Variants in HMSD observed in about 807,000 individuals in gnomAD.
HMSD encodes histocompatibility minor serpin domain containing, also known as serpin-like protein HMSD.
In HMSD, 13 loss-of-function variants were observed where a neutral mutation model predicts 10.0. The ratio of observed to expected loss-of-function variants is 1.31; its 90% CI spans 0.85 to 2.08. The LOEUF is 2.08. Ranked by LOEUF, HMSD falls within the 30% of genes most tolerant of loss-of-function variation. The probability of loss-of-function intolerance (pLI) is 0.00; values close to 1 mark genes in which losing one functional copy is unlikely to be tolerated. For missense variants in HMSD, 169 were observed against 166.3 expected (o/e 1.02, Z -0.09); for synonymous variants, 51 against 54.2 (o/e 0.94, Z 0.26).
chr18:63,959,236 TA>T (rs1412664000), intron 3 of HMSD, among the ~76,000 whole-genome samples: 1 of 152,178 alleles, frequency 6.6e-6, no homozygotes, highest in African/African-American at 2.4e-5. Flanking sequence ...TTTAGTTTTA[TA>T]AAAAACTTCC....
At chr18:63,964,922 C>T (rs942084092), downstream of HMSD, among the ~76,000 whole-genome samples, 3 of 152,150 alleles carry the variant, frequency 2.0e-5, no homozygotes, top group South Asian at 6.2e-4. Context: ...TTTTTTTCCA[C>T]TTACCCCAAG....
intron 3 of HMSD, among the ~76,000 whole-genome samples, chr18:63,955,177 T>A (rs557251582): frequency 2.0e-5 from 3 of 152,278 alleles, no homozygotes; most frequent in Non-Finnish European, 2.9e-5. Context: ...ATAAAAACTT[T>A]GCTTCATGAG....
At chr18:63,960,089 AATGAAGAAGTAAGCCAGTGATATT>A in intron 3 of HMSD, 45 bp from the exon 4 acceptor site, 2 of 1,388,620 alleles carry the variant, frequency 1.4e-6, no homozygotes, top group Non-Finnish European at 2.0e-6. Context: ...GATGTGGCAC[AATGAAGAAGTAAGCCAGTGATATT>A]AGTTGTTTCT....
chr18:63,952,093 A>C lies in HMSD; in HGVS notation c.-102-1261A>C, dbSNP rs552058669. ...TCATAGGTGGGAATTGAACAATGAGATCACATGGACACAGGAAGGGGAATA... is the reference window on the plus strand; with the variant it reads ...TCATAGGTGGGAATTGAACAATGAGCTCACATGGACACAGGAAGGGGAATA... On this transcript the variant is annotated intron_variant, in intron 1 of 3. Coordinates refer to ENST00000408945, the MANE Select transcript of HMSD (RefSeq NM_001123366.2). Among the ~76,000 whole-genome samples, 926 of 137,454 alleles carry C rather than the reference A, an allele frequency of 6.7e-3. 10 individuals are homozygous for C. Among genetic ancestry groups the C allele is most frequent in the African/African-American group, 0.024 (887 of 36,614 alleles). The allele number at this position is 137,454 out of a possible 152,430, so 90.2% of individuals were successfully genotyped here.
chr18:63,963,147 CTCTCTCTTCTTTCT>C (rs1568261459), downstream of HMSD, among the ~76,000 whole-genome samples: 1,811 of 132,186 alleles, frequency 0.014, 31 homozygotes, highest in Non-Finnish European at 0.021. Flanking sequence ...TCTTTCTTCT[CTCTCTCTTCTTTCT>C]TTCTCTCTCT....
At chr18:63,953,553 A>G in intron 2 of HMSD, 26 bp downstream of exon 2, 3 of 1,565,486 alleles carry the variant, frequency 1.9e-6, no homozygotes, top group Non-Finnish European at 2.6e-6. Flanking sequence ...TCAAGACAAC[A>G]ATAAGTGCTA....
downstream of HMSD, among the ~76,000 whole-genome samples, chr18:63,963,085 CTTTCTTTCTT>C (rs1320141604): frequency 2.0e-5 from 2 of 98,934 alleles, no homozygotes; most frequent in African/African-American, 9.9e-5. Flanking sequence ...TTCTTTCTTT[CTTTCTTTCTT>C]TCTTTCTTTC....
At chr18:63,956,832 C>T (rs530853862) in intron 3 of HMSD, among the ~76,000 whole-genome samples, 1 of 152,204 alleles carries the variant, frequency 6.6e-6, no homozygotes, top group African/African-American at 2.4e-5. Context: ...AAATGCCCAT[C>T]AATAGTAGAC....
intron 1 of HMSD, among the ~76,000 whole-genome samples, chr18:63,950,415 C>CAAAAAAAA (rs562421091): frequency 0.061 from 2,379 of 38,992 alleles, 310 homozygotes; most frequent in East Asian, 0.13. Flanking sequence ...GACTCTCTCT[C>CAAAAAAAA]AAAAAAAAAA....
At position 63,960,142 on chromosome 18, in the gene HMSD, T is replaced by C; in HGVS notation, c.223-16T>C. The C allele has an allele frequency of 6.2e-7, 1 of 1,606,480 alleles. No individual in the cohort carries two copies. The highest frequency in any genetic ancestry group is 8.5e-7 in the Non-Finnish European group (1 of 1,177,694). On this transcript the variant is annotated splice_polypyrimidine_tract_variant and intron_variant, in intron 3 of 3. Coordinates refer to ENST00000408945, the MANE Select transcript of HMSD (RefSeq NM_001123366.2). The stretch of plus-strand genomic sequence containing the variant: ...TGTTTCTGTAGCTGTGAAATTATGT[T>C]TTTGGTTTTTCCTAGGGTTTTACAG...
intron 3 of HMSD, among the ~76,000 whole-genome samples, 166 bp from the exon 4 acceptor site, chr18:63,959,992 A>G (rs1386536260): frequency 6.6e-6 from 1 of 152,222 alleles, no homozygotes; most frequent in African/African-American, 2.4e-5. Flanking sequence ...AAGATTAGGA[A>G]TAGCTGAAAA....
At chr18:63,967,674 T>C (rs2050416181) in intron 3 of HMSD, among the ~76,000 whole-genome samples, 1 of 151,442 alleles carries the variant, frequency 6.6e-6, no homozygotes, top group Non-Finnish European at 1.5e-5. Flanking sequence ...GAGTCGGGAG[T>C]TGAGAACCAG....
At chr18:63,952,822 C>T (rs1314696234) in intron 1 of HMSD, among the ~76,000 whole-genome samples, 1 of 152,122 alleles carries the variant, frequency 6.6e-6, no homozygotes, top group Non-Finnish European at 1.5e-5. Flanking sequence ...TTCCTTCCTC[C>T]ATTTATAAAA....
downstream of HMSD, among the ~76,000 whole-genome samples, chr18:63,964,992 A>T (rs544958899): frequency 3.2e-4 from 49 of 152,272 alleles, no homozygotes; most frequent in African/African-American, 7.7e-4. Context: ...CAGTATTTTT[A>T]AAAAATCTAT....
chr18:63,950,700 G>C (rs1173664883), intron 1 of HMSD, among the ~76,000 whole-genome samples: 1 of 136,184 alleles, frequency 7.3e-6, no homozygotes, highest in Admixed American at 7.3e-5. Context: ...TCAAGGAAAG[G>C]CATTTGGCAA....
At chr18:63,950,922 A>G (rs571611713) in intron 1 of HMSD, among the ~76,000 whole-genome samples, 88 of 152,272 alleles carry the variant, frequency 5.8e-4, no homozygotes, top group African/African-American at 2.0e-3. Context: ...TATTAATTTA[A>G]CCCCAGAAAA....
At position 63,961,024 on chromosome 18, in the gene HMSD, T is replaced by A. The variant is rs9963550; in HGVS notation, c.*669T>A. 0.29 allele frequency: 44,180 copies of A among 152,166 alleles called. 7,427 individuals carry two copies. Among genetic ancestry groups the A allele is most frequent in the African/African-American group, 0.47 (19,340 of 41,406 alleles). The allele number at this position is 152,166 out of a possible 1,614,324, so 9.4% of individuals were successfully genotyped here. ...GGGAATAATCAGCCCATATGATTCT[T>A]CCACTGCAGAGAGAGCCTCTGAGTG... is the stretch of plus-strand genomic sequence containing the variant. On this transcript the variant is annotated 3_prime_UTR_variant, in exon 4 of 4. Coordinates refer to ENST00000408945, the MANE Select transcript of HMSD (RefSeq NM_001123366.2).
intron 1 of HMSD, among the ~76,000 whole-genome samples, chr18:63,951,484 A>G (rs1321019391): frequency 1.3e-5 from 2 of 152,244 alleles, no homozygotes; most frequent in East Asian, 3.8e-4. Context: ...TGGGAGTGAT[A>G]GATTACTCAT....
Position 63,961,296 on chromosome 18 carries a change from A to T in HMSD, c.*941A>T, listed in dbSNP as rs2050385445. 1 of 152,206 alleles carries T rather than the reference A, an allele frequency of 6.6e-6. No homozygotes were observed. The allele number at this position is 152,206 out of a possible 1,614,324, so 9.4% of individuals were successfully genotyped here. ...TGGTTTTATCTGTTATAGAAATATA[A>T]TATAATCAGACTTTAGCCATGTAAA... On this transcript the variant is annotated 3_prime_UTR_variant, in exon 4 of 4. Transcript: ENST00000408945.
Sources: gnomAD v4.1 joint callset for allele counts (sites outside exome capture counted in the v4.1 genomes callset) on GRCh38, gnomAD v4.1.1 for gene constraint, MANE v1.5 for transcripts, NCBI Gene and HGNC (gene_info 2026-07-23, HGNC 2026-07-21) for gene names.